Variants in BUD31 observed in about 807,000 individuals in gnomAD.
BUD31 encodes BUD31 spliceosome associated protein.
Under a neutral mutation model 17.9 loss-of-function variants are expected in BUD31, and 9 were observed. That is an observed-to-expected ratio of 0.50 (90% CI 0.30 to 0.88). The LOEUF (loss-of-function observed/expected upper bound fraction) is 0.88. BUD31 is among the 40% of genes least tolerant of loss of function. BUD31 has a pLI of 0.06. For synonymous variants in BUD31, 70 were observed against 64.7 expected (o/e 1.08, Z -0.39); for missense variants, 148 against 184.5 (o/e 0.80, Z 1.15).
intron 3 of BUD31, among the ~76,000 whole-genome samples, chr7:99,412,455 G>A (rs1165576184): frequency 6.6e-6 from 1 of 152,148 alleles, no homozygotes; most frequent in Non-Finnish European, 1.5e-5. Flanking sequence ...TTGAGACAAG[G>A]TCTCACTTTG....
rs1049027532 is a variant in BUD31 at position 99,417,119 on chromosome 7, C to A, written c.218-310C>A. On this transcript the variant is annotated intron_variant, in intron 4 of 5. Transcript: ENST00000222969. ...TCACCCAGGCTGGAGTCCAGTGGCA[C>A]GACCTCAGGTCACTACAACCTCCGC... 5.7e-5 allele frequency: 16 copies of A among 279,866 alleles called. No homozygotes were observed. The East Asian group carries it at 1.7e-3, about 30-fold the overall frequency. The allele number at this position is 279,866 out of a possible 1,614,324, so 17.3% of individuals were successfully genotyped here.
intron 3 of BUD31, among the ~76,000 whole-genome samples, chr7:99,415,827 A>G (rs1413675933): frequency 6.6e-6 from 1 of 152,144 alleles, no homozygotes; most frequent in African/African-American, 2.4e-5. Flanking sequence ...TTCCTAGGTT[A>G]TGATTGTCGA....
intron 2 of BUD31, among the ~76,000 whole-genome samples, chr7:99,410,463 C>G (rs1054524140): frequency 2.7e-5 from 4 of 150,694 alleles, no homozygotes; most frequent in Non-Finnish European, 4.4e-5. Context: ...TTCCTGGGCT[C>G]AAGTGATCCT....
rs181774652 is a variant in BUD31 at position 99,413,812 on chromosome 7, G to A, written c.95-2326G>A. ...TTGCCCTGTTGGCCAGGGTGTTCTC[G>A]AACTCCTGACCTCAAGTGATCCACC... On this transcript the variant is annotated intron_variant, in intron 3 of 5. Transcript: ENST00000222969. Among the ~76,000 whole-genome samples the A allele has an allele frequency of 5.8e-4, 88 of 152,274 alleles. 2 individuals are homozygous for A. In the East Asian group the frequency reaches 0.016, roughly 28 times the overall value.
chr7:99,417,526 C>A lies in BUD31; in HGVS notation c.315C>A (p.Cys105Ter), dbSNP rs1465980051. ...ATGAGAACTTGTGCTGCCTGCGGTGCATTCAGACACGGGACACCAACTTCG... is the reference window on the plus strand; with the variant it reads ...ATGAGAACTTGTGCTGCCTGCGGTGAATTCAGACACGGGACACCAACTTCG... ...QGYENLCCLR[C>*]IQTRDTNFGT... The change falls in exon 5 of 6, where the codon TGC becomes TGA. Residue 105 changes from cysteine (C) to a stop codon, truncating the protein, a stop_gained. Coordinates refer to ENST00000222969, the MANE Select transcript of BUD31 (RefSeq NM_003910.4). LOFTEE classifies it high-confidence loss of function. 1 of 1,611,588 alleles carries A rather than the reference C, an allele frequency of 6.2e-7. No individual in the cohort carries two copies.
intron 5 of BUD31, chr7:99,417,962 C>T: frequency 8.3e-7 from 1 of 1,202,216 alleles, no homozygotes; most frequent in Non-Finnish European, 1.0e-6. Context: ...TTAACATTAC[C>T]ATCACTATCT....
chr7:99,417,786 G>A (rs1212903997), intron 5 of BUD31, 191 bp downstream of exon 5: 2 of 1,528,178 alleles, frequency 1.3e-6, no homozygotes, highest in African/African-American at 1.4e-5. Context: ...CTGTGTGTTT[G>A]TTAGGTCTGG....
chr7:99,409,283 C>T (rs527880042), intron 1 of BUD31, 38 bp downstream of exon 1: 2 of 152,410 alleles, frequency 1.3e-5, no homozygotes, highest in South Asian at 4.1e-4. Context: ...TTTTTCTAAG[C>T]TGGGTTCAGA....
intron 3 of BUD31, chr7:99,412,095 C>G (rs1191348182): frequency 6.2e-6 from 1 of 160,750 alleles, no homozygotes; most frequent in East Asian, 1.9e-4. Context: ...GCAGTAATTA[C>G]TAAATTAAAT....
intron 5 of BUD31, 88 bp from the exon 6 acceptor site, chr7:99,419,303 G>A: frequency 6.7e-7 from 1 of 1,492,620 alleles, no homozygotes; most frequent in Non-Finnish European, 9.3e-7. Context: ...ATGGTGGCAG[G>A]TCCTTCGTGG....
At chr7:99,415,110 A>G (rs1562831122) in intron 3 of BUD31, 1 of 429,740 alleles carries the variant, frequency 2.3e-6, no homozygotes, top group African/African-American at 2.1e-5. Flanking sequence ...GAGCGTAGAA[A>G]TAAAGACACA....
chr7:99,416,423 T>C, intron 4 of BUD31, 163 bp downstream of exon 4: 1 of 844,572 alleles, frequency 1.2e-6, no homozygotes, highest in Non-Finnish European at 1.7e-6. Context: ...TGTTTGTTTT[T>C]TGTTTGTTTG....
chr7:99,412,796 TA>T (rs1166191900), intron 3 of BUD31, among the ~76,000 whole-genome samples: 5 of 141,750 alleles, frequency 3.5e-5, no homozygotes, highest in African/African-American at 1.5e-4. Context: ...TTTTTTTTTG[TA>T]TTTTTAGTAG....
rs374138041 is a variant in BUD31 at position 99,416,122 on chromosome 7, CTT to C, written c.95-14_95-13del. 404 of 1,612,780 alleles carry C rather than the reference CTT, an allele frequency of 2.5e-4. 1 individual carries two copies. The East Asian group carries it at 3.9e-3, about 16-fold the overall frequency. On this transcript the variant is annotated splice_polypyrimidine_tract_variant and intron_variant, in intron 3 of 5. Transcript: ENST00000222969. ...CCGACCCTATTCCCCCAAACACACTCTTTGTTTCTCCCCAGCTGAAACAGAAC... is the reference window on the plus strand; with the variant it reads ...CCGACCCTATTCCCCCAAACACACTCTGTTTCTCCCCAGCTGAAACAGAAC...
intron 3 of BUD31, chr7:99,411,387 GTTTT>G (rs928821133): frequency 4.0e-6 from 2 of 499,210 alleles, no homozygotes; most frequent in Non-Finnish European, 7.1e-6. Context: ...CAGAAAAGGT[GTTTT>G]TTTTTGTTTT....
At chr7:99,409,694 T>A (rs1159646026) in intron 1 of BUD31, among the ~76,000 whole-genome samples, 1 of 149,448 alleles carries the variant, frequency 6.7e-6, no homozygotes, top group Non-Finnish European at 1.5e-5. Context: ...TGTGTGACCC[T>A]GATTCTACCT....
intron 5 of BUD31, chr7:99,419,177 G>C (rs1795679967): frequency 1.7e-6 from 1 of 586,444 alleles, no homozygotes; most frequent in Admixed American, 3.0e-5. Context: ...ATTATAAATA[G>C]ACATACAGAT....
At chr7:99,413,138 G>A (rs1005847873) in intron 3 of BUD31, among the ~76,000 whole-genome samples, 1 of 151,952 alleles carries the variant, frequency 6.6e-6, no homozygotes, top group Non-Finnish European at 1.5e-5. Context: ...CTGCTTTTCT[G>A]CTTGGATCAC....
rs1242653513 is a variant in BUD31, at chr7:99,419,527, C to T, written c.*86C>T. ...CTTCCTGGGAGCAGCGAGCAGTGCC[C>T]CAGGCCCGAGTTGGAGCACGGTCTC... On this transcript the variant is annotated 3_prime_UTR_variant, in exon 6 of 6. Coordinates refer to ENST00000222969, the MANE Select transcript of BUD31 (RefSeq NM_003910.4). 9.3e-6 allele frequency: 14 copies of T among 1,510,268 alleles called. No homozygotes were observed. Among genetic ancestry groups the T allele is most frequent in the Non-Finnish European group, 1.3e-5 (14 of 1,097,412 alleles). 93.6% of individuals were successfully genotyped at this position (1,510,268 alleles called of 1,614,324 possible). A position where few individuals can be genotyped will look rare whatever the true frequency, so the allele number is the denominator to read the frequency against.
Sources: gnomAD v4.1 joint callset for allele counts (sites outside exome capture counted in the v4.1 genomes callset) on GRCh38, gnomAD v4.1.1 for gene constraint, MANE v1.5 for transcripts, NCBI Gene and HGNC (gene_info 2026-07-23, HGNC 2026-07-21) for gene names.